The following TRIM5 variants were observed in gnomAD, a reference collection of about 807,000 sequenced individuals.
The protein encoded by TRIM5 is tripartite motif-containing protein 5.
In TRIM5, 31 loss-of-function variants were observed where a neutral mutation model predicts 35.6. The observed-to-expected ratio is 0.87, with a 90% CI of 0.65 to 1.18. The LOEUF is 1.18. Ranked by LOEUF, TRIM5 falls within the 50% of genes most tolerant of loss-of-function variation. TRIM5 has a pLI of 0.00. For missense variants in TRIM5, 609 were observed against 591.6 expected (o/e 1.03, Z -0.31); for synonymous variants, 243 against 215.6 (o/e 1.13, Z -1.11).
chr11:5,681,487 T>C (rs1199208303), intron 1 of TRIM5, among the ~76,000 whole-genome samples: 2 of 152,212 alleles, frequency 1.3e-5, no homozygotes, highest in East Asian at 3.8e-4. Context: ...TTTTAAGACC[T>C]TCCTCTGGTG....
chr11:5,680,303 T>C (rs913302516), intron 1 of TRIM5, 65 bp from the exon 2 acceptor site: 2 of 960,652 alleles, frequency 2.1e-6, no homozygotes, highest in Non-Finnish European at 2.9e-6. Context: ...GGATATTGAT[T>C]GTGCACAATT....
At chr11:5,634,667 G>T in the TRIM5 span, 1 of 1,613,788 alleles carries the variant, frequency 6.2e-7, no homozygotes, top group East Asian at 2.2e-5. Flanking sequence ...GATACAAACA[G>T]AATTTGATCA....
At chr11:5,606,561 C>G in the TRIM5 span, among the ~76,000 whole-genome samples, 1 of 152,174 alleles carries the variant, frequency 6.6e-6, no homozygotes, top group African/African-American at 2.4e-5. Context: ...CCATGGGTAG[C>G]TACTTTCTGC....
the TRIM5 span, among the ~76,000 whole-genome samples, chr11:5,634,060 T>A: frequency 6.6e-6 from 1 of 152,180 alleles, no homozygotes; most frequent in Non-Finnish European, 1.5e-5. Flanking sequence ...GGCTAGAAAG[T>A]GGACATGTTA....
chr11:5,669,269 AG>A lies in TRIM5; in HGVS notation c.745-1559del, dbSNP rs1851393852. Among the ~76,000 whole-genome samples, 4 of 151,220 alleles carry A rather than the reference AG, an allele frequency of 2.6e-5. No individual in the cohort carries two copies. The South Asian group carries it at 8.4e-4, about 32-fold the overall frequency. On this transcript the variant is annotated intron_variant, in intron 4 of 7. Transcript: ENST00000380034. Reference sequence around the variant, plus strand: ...TAATTTTTGTATTTTTAGTAGAGACAGGGTTTCTCCATGTTGGTCGGGCTGG... The same window carrying A: ...TAATTTTTGTATTTTTAGTAGAGACAGGTTTCTCCATGTTGGTCGGGCTGG...
In TRIM5 at chr11:5,664,030, C is replaced by T. The variant is rs112407000; in HGVS notation, c.*779G>A. On this transcript the variant is annotated 3_prime_UTR_variant, in exon 8 of 8. Coordinates refer to ENST00000380034, the MANE Select transcript of TRIM5 (RefSeq NM_033034.3). ...GAGCCTAACCAACATGGGGAAACCC[C>T]GTCTCTACTGAAAATACAAATTTAG... The T allele has an allele frequency of 0.012, 2,020 of 166,704 alleles. 40 individuals carry two copies. Among genetic ancestry groups the T allele is most frequent in the African/African-American group, 0.045 (1,882 of 41,768 alleles). The allele number at this position is 166,704 out of a possible 1,614,324, so 10.3% of individuals were successfully genotyped here.
the TRIM5 span, among the ~76,000 whole-genome samples, chr11:5,658,061 CTT>C: frequency 7.2e-5 from 11 of 152,168 alleles, no homozygotes; most frequent in African/African-American, 2.4e-4. Flanking sequence ...GGCCCACAGA[CTT>C]AGGTGAGGAC....
At chr11:5,638,039 A>G in the TRIM5 span, among the ~76,000 whole-genome samples, 2 of 152,202 alleles carry the variant, frequency 1.3e-5, no homozygotes, top group African/African-American at 4.8e-5. Context: ...AATCAGCACT[A>G]TCAAGAATGA....
chr11:5,610,562 G>T, the TRIM5 span: 1 of 1,612,956 alleles, frequency 6.2e-7, no homozygotes, highest in Non-Finnish European at 8.5e-7. Context: ...AGCTACTGGG[G>T]TAAGTAGAAG....
the TRIM5 span, among the ~76,000 whole-genome samples, chr11:5,648,237 T>A: frequency 6.6e-6 from 1 of 152,116 alleles, no homozygotes; most frequent in African/African-American, 2.4e-5. Context: ...CCGGGCGCGG[T>A]GGCTTACACC....
downstream of TRIM5, among the ~76,000 whole-genome samples, chr11:5,660,097 C>T (rs1426807448): frequency 2.0e-5 from 3 of 152,100 alleles, no homozygotes; most frequent in African/African-American, 7.2e-5. Context: ...CTGCCTCAGC[C>T]TCCTGAGTAG....
chr11:5,595,785 C>G, the TRIM5 span, among the ~76,000 whole-genome samples: 1 of 151,814 alleles, frequency 6.6e-6, no homozygotes, highest in South Asian at 2.1e-4. Context: ...CTCCACCTCC[C>G]GGGTTCAAGC....
the TRIM5 span, chr11:5,605,268 C>T: frequency 6.2e-7 from 1 of 1,606,816 alleles, no homozygotes; most frequent in Non-Finnish European, 8.5e-7. Flanking sequence ...GCCCAACTTC[C>T]CCGCTTTTAA....
At chr11:5,639,806 C>A in the TRIM5 span, among the ~76,000 whole-genome samples, 1 of 144,326 alleles carries the variant, frequency 6.9e-6, no homozygotes, top group Non-Finnish European at 1.5e-5. Context: ...TTACTATTTT[C>A]TTTCCAATAT....
the TRIM5 span, among the ~76,000 whole-genome samples, chr11:5,644,917 T>C: frequency 6.6e-6 from 1 of 152,216 alleles, no homozygotes; most frequent in Non-Finnish European, 1.5e-5. Context: ...ACATTCTTGC[T>C]GTGAGTTCTT....
At chr11:5,611,490 G>A in the TRIM5 span, 9 of 743,886 alleles carry the variant, frequency 1.2e-5, no homozygotes, top group Non-Finnish European at 2.0e-5. Context: ...ATCTCGCTCT[G>A]TCGCCCAGGC....
chr11:5,666,177 T>A (rs961689455), intron 5 of TRIM5, 96 bp from the exon 6 acceptor site: 2 of 1,006,002 alleles, frequency 2.0e-6, no homozygotes, highest in African/African-American at 3.3e-5. Context: ...ATTGAGGCAC[T>A]TGAACTCTCT....
At chr11:5,656,926 A>G in the TRIM5 span, among the ~76,000 whole-genome samples, 1 of 152,232 alleles carries the variant, frequency 6.6e-6, no homozygotes, top group Admixed American at 6.5e-5. Flanking sequence ...ATCTAGAACC[A>G]GAAATACCAT....
At chr11:5,656,771 A>T in the TRIM5 span, among the ~76,000 whole-genome samples, 1 of 152,196 alleles carries the variant, frequency 6.6e-6, no homozygotes, top group South Asian at 2.1e-4. Context: ...ATACCATCTC[A>T]CTCCAGTTAG....
Sources: gnomAD v4.1 joint callset for allele counts (sites outside exome capture counted in the v4.1 genomes callset) on GRCh38, gnomAD v4.1.1 for gene constraint, MANE v1.5 for transcripts, NCBI Gene and HGNC (gene_info 2026-07-23, HGNC 2026-07-21) for gene names.